The following CHN2 variants were observed in gnomAD, a reference collection of about 807,000 sequenced individuals.
CHN2 encodes beta-chimaerin.
CHN2 carries 35 observed loss-of-function variants against 56.3 expected under a neutral mutation model. The observed-to-expected ratio is 0.62, with a 90% CI of 0.47 to 0.82. The LOEUF is 0.82. Among genes scored for constraint, CHN2 ranks in the 40% least tolerant of loss-of-function variants. The pLI is 0.00. For missense variants in CHN2, 491 were observed against 580.5 expected (o/e 0.85, Z 1.58); for synonymous variants, 210 against 212.8 (o/e 0.99, Z 0.12).
intron 1 of CHN2, among the ~76,000 whole-genome samples, chr7:29,334,125 C>T (rs923812666): frequency 6.8e-6 from 1 of 147,304 alleles, no homozygotes; most frequent in Admixed American, 6.9e-5. Context: ...GATCTCGGCT[C>T]ACTGCAACCT....
rs145327469 is a variant in CHN2, at chr7:29,175,880, A to G, written c.274+28920A>G. Among the ~76,000 whole-genome samples, 269 of 152,174 alleles carry G rather than the reference A, an allele frequency of 1.8e-3. 1 individual carries two copies. Among genetic ancestry groups the G allele is most frequent in the African/African-American group, 6.2e-3 (258 of 41,534 alleles). ...GGCAATATTCAAAGAGATCATGACT[A>G]TTTTCCATAATTGAAAAAAAGACCA... On this transcript the variant is annotated intron_variant, in intron 2 of 6. Coordinates refer to the CHN2 transcript ENST00000439384.
upstream of CHN2, chr7:29,194,584 C>T: frequency 4.5e-6 from 1 of 221,520 alleles, no homozygotes; most frequent in Non-Finnish European, 8.8e-6. Context: ...GCCAGGACGC[C>T]CTGGTCCCAG....
At chr7:29,192,498 A>T (rs1419456967), upstream of CHN2, 4 of 152,240 alleles carry the variant, frequency 2.6e-5, no homozygotes. Flanking sequence ...TAAGCCATAG[A>T]TTGAAGATAA....
At chr7:29,307,729 G>A (rs560137528) in intron 1 of CHN2, among the ~76,000 whole-genome samples, 27 of 152,194 alleles carry the variant, frequency 1.8e-4, no homozygotes, top group Admixed American at 1.0e-3. Context: ...CTTCCTTAGC[G>A]TCTCCACCCA....
At chr7:29,177,736 C>T (rs1797552670) in intron 2 of CHN2, among the ~76,000 whole-genome samples, 1 of 151,960 alleles carries the variant, frequency 6.6e-6, no homozygotes, top group African/African-American at 2.4e-5. Context: ...CCAGCTATAC[C>T]CCAACCCTCT....
At chr7:29,459,083 G>C (rs966133734) in intron 6 of CHN2, among the ~76,000 whole-genome samples, 1 of 152,192 alleles carries the variant, frequency 6.6e-6, no homozygotes, top group Non-Finnish European at 1.5e-5. Flanking sequence ...TGTAGTTTCA[G>C]ATTTTCTCGG....
intron 2 of CHN2, among the ~76,000 whole-genome samples, chr7:29,158,508 T>C (rs1050736158): frequency 1.8e-5 from 2 of 109,504 alleles, no homozygotes; most frequent in Non-Finnish European, 4.1e-5. Flanking sequence ...CTTTATTTTA[T>C]TGTGTAGCCT....
intron 1 of CHN2, among the ~76,000 whole-genome samples, chr7:29,219,700 A>T (rs1189997277): frequency 6.6e-6 from 1 of 152,252 alleles, no homozygotes; most frequent in Non-Finnish European, 1.5e-5. Context: ...ATTAACTAAA[A>T]GCTATAACCA....
chr7:29,156,198 G>T (rs148995145), intron 2 of CHN2, among the ~76,000 whole-genome samples: 1 of 152,142 alleles, frequency 6.6e-6, no homozygotes, highest in African/African-American at 2.4e-5. Flanking sequence ...GGACTCGTCT[G>T]GTTTTGCCTG....
At chr7:29,479,764 A>G (rs543454970) in intron 6 of CHN2, 3 of 1,173,368 alleles carry the variant, frequency 2.6e-6, no homozygotes, top group Admixed American at 3.9e-5. Context: ...CTCCTTTGCA[A>G]TGTGCTGCGG....
intron 1 of CHN2, among the ~76,000 whole-genome samples, chr7:29,213,646 G>A (rs1006281806): frequency 1.1e-4 from 16 of 152,020 alleles, no homozygotes; most frequent in African/African-American, 3.1e-4. Context: ...TGAGGTAAAG[G>A]GTTAAGCTGT....
chr7:29,423,916 G>A (rs1025071890), intron 6 of CHN2, among the ~76,000 whole-genome samples: 1 of 152,156 alleles, frequency 6.6e-6, no homozygotes, highest in South Asian at 2.1e-4. Flanking sequence ...GTCTTACCTG[G>A]CGGCTACCTC....
rs1037551696 is a variant in CHN2, at chr7:29,393,661, T to C, written c.145-18T>C. On this transcript the variant is annotated intron_variant, in intron 3 of 12. Transcript: ENST00000222792. ...TGAATTCAAATGCATTATTAATTTT[T>C]TTTTCTTTTTAATATAGGTGGAAAA... 1.1e-6 allele frequency: 1 copy of C among 887,714 alleles called. No individual in the cohort carries two copies. Among genetic ancestry groups the C allele is most frequent in the Non-Finnish European group, 1.7e-6 (1 of 601,178 alleles). The allele number at this position is 887,714 out of a possible 1,614,324, so 55.0% of individuals were successfully genotyped here.
chr7:29,294,505 G>T (rs1792959968), intron 1 of CHN2, among the ~76,000 whole-genome samples: 1 of 152,096 alleles, frequency 6.6e-6, no homozygotes, highest in East Asian at 1.9e-4. Context: ...TATGTCCTTC[G>T]TGCCTGCCTT....
At chr7:29,308,232 A>G (rs1794319700) in intron 1 of CHN2, among the ~76,000 whole-genome samples, 1 of 152,008 alleles carries the variant, frequency 6.6e-6, no homozygotes, top group Non-Finnish European at 1.5e-5. Flanking sequence ...CTGTCTTTCC[A>G]TTCCTCAGAC....
intron 7 of CHN2, among the ~76,000 whole-genome samples, chr7:29,495,276 T>C (rs1708082972): frequency 6.6e-6 from 1 of 152,172 alleles, no homozygotes; most frequent in African/African-American, 2.4e-5. Flanking sequence ...ATATTCAGAA[T>C]ATTTAACAAC....
chr7:29,328,402 T>G (rs1795968037), intron 1 of CHN2, among the ~76,000 whole-genome samples: 1 of 151,856 alleles, frequency 6.6e-6, no homozygotes, highest in African/African-American at 2.4e-5. Flanking sequence ...GATGAAGATA[T>G]AACAAGAGCA....
chr7:29,221,924 G>T (rs188053952), intron 1 of CHN2, among the ~76,000 whole-genome samples: 1 of 152,078 alleles, frequency 6.6e-6, no homozygotes, highest in Non-Finnish European at 1.5e-5. Context: ...GTGAACATAC[G>T]CATGCATGTA....
intron 10 of CHN2, among the ~76,000 whole-genome samples, chr7:29,506,662 A>T (rs985372570): frequency 6.6e-6 from 1 of 152,168 alleles, no homozygotes; most frequent in Non-Finnish European, 1.5e-5. Flanking sequence ...AATGATAAGA[A>T]ATATAACATC....
Sources: allele counts gnomAD v4.1 joint callset (sites outside exome capture counted in the v4.1 genomes callset), GRCh38; gene constraint gnomAD v4.1.1; transcripts MANE v1.5; gene names NCBI Gene and HGNC (gene_info 2026-07-23, HGNC 2026-07-21).